Variants in RDM1 observed in about 807,000 individuals in gnomAD.
RDM1 encodes the protein RAD52 motif-containing protein 1.
Under a neutral mutation model 27.7 loss-of-function variants are expected in RDM1, and 28 were observed. That is an observed-to-expected ratio of 1.01 (90% CI 0.75 to 1.39). The LOEUF is 1.39. RDM1 is among the 40% of genes most tolerant of loss of function. The probability of loss-of-function intolerance (pLI) is 0.00; values close to 1 mark genes in which losing one functional copy is unlikely to be tolerated. For synonymous variants in RDM1, 124 were observed against 127.5 expected, an observed-to-expected ratio of 0.97 and a Z score of 0.19; for missense variants, 277 against 337.3, an observed-to-expected ratio of 0.82 and a Z score of 1.40.
At chr17:35,920,361 G>T in intron 5 of RDM1, 89 bp from the exon 6 acceptor site, 6 of 524,944 alleles carry the variant, frequency 1.1e-5, no homozygotes, top group South Asian at 6.3e-5. Flanking sequence ...ATGAAACATT[G>T]TTTTGGTTTC....
intron 2 of RDM1, among the ~76,000 whole-genome samples, chr17:35,925,868 C>T (rs369054329): frequency 2.2e-4 from 33 of 152,290 alleles, no homozygotes; most frequent in African/African-American, 7.5e-4. Context: ...GGTGCAGTGG[C>T]TCACCCTTGT....
intron 2 of RDM1, among the ~76,000 whole-genome samples, chr17:35,928,942 G>A (rs1282620885): frequency 6.6e-6 from 1 of 152,020 alleles, no homozygotes; most frequent in East Asian, 1.9e-4. Flanking sequence ...AGGTGTGGTG[G>A]CAGGCGCCTG....
rs73992632 is a variant in RDM1 at position 35,930,690 on chromosome 17, C to A, written c.38G>T (p.Ser13Ile). The A allele has an allele frequency of 1.2e-6, 2 of 1,614,004 alleles. No individual in the cohort carries two copies. The highest frequency in any genetic ancestry group is 2.7e-5 in the African/African-American group (2 of 75,054). The change falls in exon 1 of 7, where the codon AGT (serine) becomes ATT (isoleucine). Residue 13 changes from serine (S) to isoleucine (I), a missense_variant. Ser to Ile is a moderately radical substitution (Grantham distance 142, BLOSUM62 -2). Transcript: ENST00000620284. ...CTCCCACACTAGCAAGGTTTTGTCA[C>A]TCTCGATGGGAACCGCAAAAGGTAC... is the stretch of plus-strand genomic sequence containing the variant. ...ELVPFAVPIE[S>I]DKTLLVWELS... is the part of the protein sequence containing the mutation.
intron 4 of RDM1, 47 bp from the exon 5 acceptor site, chr17:35,922,722 T>C (rs762617235): frequency 1.4e-6 from 2 of 1,420,994 alleles, no homozygotes; most frequent in Non-Finnish European, 1.9e-6. Flanking sequence ...ATTTGAATGA[T>C]AATTGCTATA....
At chr17:35,927,361 AC>A (rs1341651273) in intron 2 of RDM1, among the ~76,000 whole-genome samples, 1 of 151,710 alleles carries the variant, frequency 6.6e-6, no homozygotes, top group Admixed American at 6.6e-5. Context: ...AATCAATTAA[AC>A]CCGGGAGGCA....
intron 2 of RDM1, among the ~76,000 whole-genome samples, chr17:35,926,605 C>T (rs150508121): frequency 0.025 from 3,809 of 152,088 alleles, 150 homozygotes; most frequent in African/African-American, 0.087. Context: ...GGGGTTTCAC[C>T]GTGTTAGCCA....
chr17:35,930,769 A>G lies in RDM1; in HGVS notation c.-42T>C, dbSNP rs370597403. On this transcript the variant is annotated 5_prime_UTR_variant, in exon 1 of 7. The change abolishes an upstream ATG in the 5' untranslated region. Transcript: ENST00000620284. ...CTGCGCGGCTAACCCTCGCCCCAGC[A>G]TTGCGCCTGCGCAAGGCACGCCCGC... The G allele has an allele frequency of 1.3e-6, 2 of 1,590,358 alleles. No individual in the cohort carries two copies. The highest frequency in any genetic ancestry group is 1.7e-6 in the Non-Finnish European group (2 of 1,164,650).
intron 5 of RDM1, among the ~76,000 whole-genome samples, chr17:35,921,061 TGA>T (rs757486996): frequency 1.3e-5 from 2 of 152,160 alleles, no homozygotes; most frequent in Non-Finnish European, 2.9e-5. Context: ...ACAAAGCTTC[TGA>T]GAGAGAGAAC....
intron 4 of RDM1, 40 bp from the exon 5 acceptor site, chr17:35,922,715 T>C: frequency 6.9e-7 from 1 of 1,454,192 alleles, no homozygotes; most frequent in Non-Finnish European, 9.4e-7. Flanking sequence ...GGTGCCTATT[T>C]GAATGATAAT....
chr17:35,920,501 C>A (rs114299836), intron 5 of RDM1, among the ~76,000 whole-genome samples: 1 of 147,576 alleles, frequency 6.8e-6, no homozygotes, highest in Non-Finnish European at 1.5e-5. Context: ...ACTCTGTCAC[C>A]CAGACTGGAG....
At chr17:35,928,431 A>G (rs2089222142) in intron 2 of RDM1, among the ~76,000 whole-genome samples, 1 of 152,196 alleles carries the variant, frequency 6.6e-6, no homozygotes, top group Non-Finnish European at 1.5e-5. Flanking sequence ...AGCTGGCAGA[A>G]GACCTGGTCA....
intron 1 of RDM1, 23 bp downstream of exon 1, chr17:35,930,609 C>T (rs1312796832): frequency 9.3e-6 from 15 of 1,605,684 alleles, no homozygotes; most frequent in Non-Finnish European, 1.2e-5. Context: ...TCCATCCCTC[C>T]CTCCATCCTG....
intron 6 of RDM1, among the ~76,000 whole-genome samples, chr17:35,918,806 A>G (rs1444933026): frequency 6.6e-6 from 1 of 152,230 alleles, no homozygotes; most frequent in East Asian, 1.9e-4. Context: ...AAATGCGACT[A>G]TAACTGGAAC....
intron 2 of RDM1, among the ~76,000 whole-genome samples, chr17:35,929,549 C>T (rs148604920): frequency 6.6e-6 from 1 of 152,210 alleles, no homozygotes; most frequent in African/African-American, 2.4e-5. Flanking sequence ...TCAAGTAATT[C>T]CCATGCTTCA....
At chr17:35,923,955 T>C (rs916524642) in intron 4 of RDM1, among the ~76,000 whole-genome samples, 4 of 152,134 alleles carry the variant, frequency 2.6e-5, no homozygotes, top group African/African-American at 9.7e-5. Flanking sequence ...GGCTCATGCC[T>C]ATAACCCCAG....
At chr17:35,925,013 A>C (rs2089088996) in intron 3 of RDM1, among the ~76,000 whole-genome samples, 1 of 152,130 alleles carries the variant, frequency 6.6e-6, no homozygotes, top group African/African-American at 2.4e-5. Context: ...GGGCGCCTGT[A>C]GTCCCAGCTA....
intron 2 of RDM1, among the ~76,000 whole-genome samples, chr17:35,927,176 C>T (rs2089183529): frequency 6.6e-6 from 1 of 150,720 alleles, no homozygotes; most frequent in South Asian, 2.1e-4. Context: ...CACGGTGGCT[C>T]ACACCTGTAA....
chr17:35,918,389 C>T lies in RDM1; in HGVS notation c.808G>A (p.Asp270Asn). 6.2e-7 allele frequency: 1 copy of T among 1,614,122 alleles called. No homozygotes were observed. ...AACTCTTCCTCCTCCAAGCTGAAATCCGAGAGATACCCTTCCTCCTCTTGG... is the reference window on the plus strand; with the variant it reads ...AACTCTTCCTCCTCCAAGCTGAAATTCGAGAGATACCCTTCCTCCTCTTGG... ...YGQEEEGYLS[D>N]FSLEEEEFRL... The change falls in exon 7 of 7, where the codon GAT becomes AAT. Residue 270 changes from aspartate to asparagine, a missense_variant. Asp to Asn is a conservative substitution (Grantham distance 23, BLOSUM62 1). Transcript: ENST00000620284.
Position 35,930,144 on chromosome 17 carries a change from C to A in RDM1, c.208G>T (p.Ala70Ser). The A allele has an allele frequency of 6.2e-7, 1 of 1,614,162 alleles. No homozygotes were observed. Among genetic ancestry groups the A allele is most frequent in the Non-Finnish European group, 8.5e-7 (1 of 1,180,036 alleles). ...TTTTGGGCTCTGTGGGCAGCCCTTGCAGAATAAAACTTAATGACGGCATAG... is the reference window on the plus strand; with the variant it reads ...TTTTGGGCTCTGTGGGCAGCCCTTGAAGAATAAAACTTAATGACGGCATAG... ...GFYAVIKFYSARAAHRAQKAC... is the reference protein window; with the variant it reads ...GFYAVIKFYSSRAAHRAQKAC... The change falls in exon 2 of 7, where the codon GCA becomes TCA. Residue 70 changes from alanine to serine, a missense_variant. Physicochemically the swap from Ala to Ser is moderately conservative, Grantham distance 99. Coordinates refer to ENST00000620284, the MANE Select transcript of RDM1 (RefSeq NM_145654.4).
Sources: allele counts gnomAD v4.1 joint callset (sites outside exome capture counted in the v4.1 genomes callset), GRCh38; gene constraint gnomAD v4.1.1; transcripts MANE v1.5; gene names NCBI Gene and HGNC (gene_info 2026-07-23, HGNC 2026-07-21).